The following CNTN5 variants were observed in gnomAD, a reference collection of about 807,000 sequenced individuals.
CNTN5 encodes contactin-5.
CNTN5 carries 77 observed loss-of-function variants against 129.1 expected under a neutral mutation model. The observed-to-expected ratio is 0.60, with a 90% confidence interval of 0.50 to 0.72. The LOEUF (loss-of-function observed/expected upper bound fraction) is 0.72. Ranked by LOEUF, CNTN5 falls within the 30% of genes least tolerant of loss-of-function variation. The pLI is 0.00. For synonymous variants in CNTN5, 509 were observed against 465.6 expected (o/e 1.09, Z -1.20); for missense variants, 1,478 against 1,328.8 (o/e 1.11, Z -1.75).
intron 6 of CNTN5, among the ~76,000 whole-genome samples, chr11:99,870,204 A>ATT (rs202062137): frequency 6.6e-6 from 1 of 151,558 alleles, no homozygotes; most frequent in Non-Finnish European, 1.5e-5. Context: ...GAAAGACGTG[A>ATT]TTTTTTTTTA....
In CNTN5 at chr11:100,246,259, T is replaced by C. The variant is rs1241765615; in HGVS notation, c.2006-9501T>C. Reference sequence around the variant, plus strand: ...ACATCACCCTATGTATTTTTCACAATAATGATATAAGGTTGACATTATCAT... The same window carrying C: ...ACATCACCCTATGTATTTTTCACAACAATGATATAAGGTTGACATTATCAT... On this transcript the variant is annotated intron_variant, in intron 16 of 24. Coordinates refer to ENST00000524871, the MANE Select transcript of CNTN5 (RefSeq NM_014361.4). Among the ~76,000 whole-genome samples, 6 of 152,284 alleles carry C rather than the reference T, an allele frequency of 3.9e-5. No individual in the cohort carries two copies. The East Asian group carries it at 1.2e-3, about 29-fold the overall frequency.
At chr11:99,107,468 A>G (rs1024174970) in intron 1 of CNTN5, among the ~76,000 whole-genome samples, 11 of 152,272 alleles carry the variant, frequency 7.2e-5, no homozygotes, top group South Asian at 2.1e-4. Flanking sequence ...TTTAGTCTTT[A>G]TGTAGTTAAT....
At chr11:100,021,647 G>C (rs1344520920) in intron 9 of CNTN5, among the ~76,000 whole-genome samples, 2 of 152,024 alleles carry the variant, frequency 1.3e-5, no homozygotes, top group African/African-American at 4.8e-5. Flanking sequence ...CTCTTTGAGG[G>C]ACAGAACTAA....
At chr11:99,097,467 T>A (rs1028981942) in intron 1 of CNTN5, among the ~76,000 whole-genome samples, 2 of 151,934 alleles carry the variant, frequency 1.3e-5, no homozygotes, top group African/African-American at 4.8e-5. Context: ...ACCATAAGGA[T>A]TTTTTTCTGT....
At chr11:99,104,626 A>ATG in intron 1 of CNTN5, among the ~76,000 whole-genome samples, 1 of 107,056 alleles carries the variant, frequency 9.3e-6, no homozygotes, top group Non-Finnish European at 1.8e-5. Context: ...GTATATATAT[A>ATG]TATACACACA....
chr11:99,168,599 C>T (rs1377126429), intron 1 of CNTN5, among the ~76,000 whole-genome samples: 1 of 151,828 alleles, frequency 6.6e-6, no homozygotes, highest in East Asian at 1.9e-4. Context: ...CAAAACAAAA[C>T]AAAAGGATAG....
At chr11:99,920,445 T>C (rs1224444319) in intron 7 of CNTN5, among the ~76,000 whole-genome samples, 1 of 152,200 alleles carries the variant, frequency 6.6e-6, no homozygotes, top group Non-Finnish European at 1.5e-5. Context: ...TGTATGTATA[T>C]CCAACTGCCT....
chr11:99,110,626 C>T (rs780502994), intron 1 of CNTN5, among the ~76,000 whole-genome samples: 1 of 152,052 alleles, frequency 6.6e-6, no homozygotes, highest in African/African-American at 2.4e-5. Context: ...GGGAAAATAT[C>T]CCCTTTGGTT....
At chr11:99,578,268 G>A (rs2135599171) in intron 3 of CNTN5, among the ~76,000 whole-genome samples, 1 of 151,982 alleles carries the variant, frequency 6.6e-6, no homozygotes, top group Non-Finnish European at 1.5e-5. Context: ...TTGCTATTGT[G>A]ACTAGTGCCA....
At chr11:99,035,975 A>T (rs940040835) in intron 1 of CNTN5, among the ~76,000 whole-genome samples, 1 of 151,974 alleles carries the variant, frequency 6.6e-6, no homozygotes, top group African/African-American at 2.4e-5. Flanking sequence ...GGTGGTGACA[A>T]AATCTCTCAG....
chr11:99,723,703 C>T (rs938859732), intron 3 of CNTN5, among the ~76,000 whole-genome samples: 1 of 151,986 alleles, frequency 6.6e-6, no homozygotes, highest in Non-Finnish European at 1.5e-5. Flanking sequence ...TTATTTTTGT[C>T]TTTGCAGTAC....
chr11:99,666,129 G>A (rs1488042622), intron 3 of CNTN5, among the ~76,000 whole-genome samples: 4 of 151,906 alleles, frequency 2.6e-5, no homozygotes, highest in Non-Finnish European at 4.4e-5. Flanking sequence ...CACCACGCCC[G>A]GCTGATTTTT....
intron 3 of CNTN5, among the ~76,000 whole-genome samples, chr11:99,800,482 C>G (rs536803710): frequency 6.6e-6 from 1 of 152,044 alleles, no homozygotes; most frequent in African/African-American, 2.4e-5. Flanking sequence ...ACTGTTAGGT[C>G]TGGGATTTCT....
intron 6 of CNTN5, among the ~76,000 whole-genome samples, chr11:99,845,498 A>G (rs963995859): frequency 5.7e-5 from 8 of 140,574 alleles, no homozygotes; most frequent in African/African-American, 2.1e-4. Context: ...TCAGCCTCCC[A>G]AGTAGCTGGG....
In CNTN5 at chr11:99,953,614, A is replaced by G. The variant is rs139040478; in HGVS notation, c.674-3192A>G. ...TATATGTTACAGAAGTAGACCCTAA[A>G]GTCTAAAACCTAGAGGATGAATGAT... On this transcript the variant is annotated intron_variant, in intron 7 of 24. Coordinates refer to ENST00000524871, the MANE Select transcript of CNTN5 (RefSeq NM_014361.4). Among the ~76,000 whole-genome samples, 427 of 147,928 alleles carry G rather than the reference A, an allele frequency of 2.9e-3. 2 individuals are homozygous for G. The highest frequency in any genetic ancestry group is 0.01 in the African/African-American group (400 of 39,814).
chr11:99,320,081 A>C (rs1865505258), intron 1 of CNTN5, among the ~76,000 whole-genome samples: 1 of 152,090 alleles, frequency 6.6e-6, no homozygotes, highest in South Asian at 2.1e-4. Flanking sequence ...CTCTACTGAA[A>C]ATACAAAAAT....
At chr11:99,098,406 G>A (rs953608543) in intron 1 of CNTN5, among the ~76,000 whole-genome samples, 1 of 151,934 alleles carries the variant, frequency 6.6e-6, no homozygotes. Flanking sequence ...TTATTTCCTC[G>A]AGGTACCCAG....
rs77881927 is a variant in CNTN5 at position 99,135,325 on chromosome 11, A to T, written c.-210+114055A>T. On this transcript the variant is annotated intron_variant, in intron 1 of 24. Transcript: ENST00000524871. ...AGTAGGCCATAAATAGAGGGATATG[A>T]TAGAAAGTAACTCATGGAGAAAAAT... 5.5e-3 allele frequency among the ~76,000 whole-genome samples: 841 copies of T among 152,320 alleles called. 9 individuals carry two copies. Among genetic ancestry groups the T allele is most frequent in the African/African-American group, 0.02 (814 of 41,564 alleles).
At chr11:99,959,714 G>T (rs931995063) in intron 8 of CNTN5, among the ~76,000 whole-genome samples, 3 of 152,006 alleles carry the variant, frequency 2.0e-5, no homozygotes, top group Non-Finnish European at 4.4e-5. Flanking sequence ...TATATAAAAG[G>T]CTCAATAAAG....
Sources: allele counts gnomAD v4.1 joint callset (sites outside exome capture counted in the v4.1 genomes callset), GRCh38; gene constraint gnomAD v4.1.1; transcripts MANE v1.5; gene names NCBI Gene and HGNC (gene_info 2026-07-23, HGNC 2026-07-21).